The following GRIA4 variants were observed in gnomAD, a reference collection of about 807,000 sequenced individuals.
GRIA4 encodes the protein glutamate receptor 4.
Under a neutral mutation model 104.0 loss-of-function variants are expected in GRIA4, and 34 were observed. The ratio of observed to expected loss-of-function variants is 0.33; its 90% CI spans 0.25 to 0.44. The LOEUF is 0.44. Ranked by LOEUF, GRIA4 falls within the 20% of genes least tolerant of loss-of-function variation. The probability of loss-of-function intolerance (pLI) is 1.00; values close to 1 mark genes in which losing one functional copy is unlikely to be tolerated. For missense variants in GRIA4, 750 were observed against 1,096.5 expected, an observed-to-expected ratio of 0.68 and a Z score of 4.46; for synonymous variants, 386 against 381.9, an observed-to-expected ratio of 1.01 and a Z score of -0.13.
chr11:105,850,214 A>G (rs494287), intron 4 of GRIA4, among the ~76,000 whole-genome samples: 4,460 of 152,316 alleles, frequency 0.029, 224 homozygotes, highest in African/African-American at 0.1. Flanking sequence ...ACTTGGTTCC[A>G]ATTTGTTACA....
intron 3 of GRIA4, among the ~76,000 whole-genome samples, chr11:105,645,990 T>C (rs1398547748): frequency 6.6e-6 from 1 of 152,152 alleles, no homozygotes; most frequent in Non-Finnish European, 1.5e-5. Context: ...GGAGATTACC[T>C]ACAAGGCAAA....
chr11:105,718,829 T>C (rs1954194291), intron 3 of GRIA4, among the ~76,000 whole-genome samples: 1 of 152,130 alleles, frequency 6.6e-6, no homozygotes, highest in African/African-American at 2.4e-5. Context: ...TACCAGAGTA[T>C]TGAAATGGAA....
At chr11:105,944,123 A>G (rs1399255218) in intron 14 of GRIA4, among the ~76,000 whole-genome samples, 1 of 152,194 alleles carries the variant, frequency 6.6e-6, no homozygotes, top group Non-Finnish European at 1.5e-5. Context: ...ATAGTAGTAG[A>G]TGGAGACAAG....
chr11:105,912,093 A>T, intron 10 of GRIA4: 1 of 1,112,964 alleles, frequency 9.0e-7, no homozygotes, highest in Middle Eastern at 2.5e-4. Context: ...ACAAAAGAAG[A>T]ATTAATCTTC....
chr11:105,724,924 T>TCG (rs1938100273), intron 3 of GRIA4, among the ~76,000 whole-genome samples: 1 of 152,150 alleles, frequency 6.6e-6, no homozygotes, highest in African/African-American at 2.4e-5. Context: ...ACCAAAATAA[T>TCG]GAAGAGGTTG....
intron 3 of GRIA4, among the ~76,000 whole-genome samples, chr11:105,653,483 A>C (rs992388900): frequency 1.3e-5 from 2 of 152,186 alleles, no homozygotes; most frequent in African/African-American, 4.8e-5. Context: ...TGAGCAGGAG[A>C]GTGCAAGACT....
At chr11:105,747,314 A>G (rs1284659448) in intron 3 of GRIA4, among the ~76,000 whole-genome samples, 3 of 152,220 alleles carry the variant, frequency 2.0e-5, no homozygotes, top group Non-Finnish European at 4.4e-5. Flanking sequence ...AAAATTACAA[A>G]ACAAATATGT....
intron 4 of GRIA4, among the ~76,000 whole-genome samples, chr11:105,793,193 T>C (rs1189873231): frequency 6.6e-6 from 1 of 152,112 alleles, no homozygotes; most frequent in African/African-American, 2.4e-5. Context: ...TACCACTCTC[T>C]GGGGGCCCTA....
intron 14 of GRIA4, among the ~76,000 whole-genome samples, chr11:105,941,478 T>C (rs1045327620): frequency 9.9e-5 from 15 of 152,260 alleles, no homozygotes; most frequent in African/African-American, 3.6e-4. Context: ...TAGAGAAAAC[T>C]ATCATTTTAA....
intron 3 of GRIA4, among the ~76,000 whole-genome samples, chr11:105,616,557 TA>T (rs1415213922): frequency 2.0e-4 from 31 of 151,820 alleles, no homozygotes; most frequent in Admixed American, 2.6e-4. Flanking sequence ...AATAATATAA[TA>T]TTTTTTTGTT....
chr11:105,852,581 T>G (rs185185389), intron 4 of GRIA4, among the ~76,000 whole-genome samples: 1 of 152,264 alleles, frequency 6.6e-6, no homozygotes, highest in Non-Finnish European at 1.5e-5. Context: ...GTTCAATAAA[T>G]CACTCTGTAT....
At chr11:105,913,260 G>C in intron 10 of GRIA4, 2 of 428,496 alleles carry the variant, frequency 4.7e-6, no homozygotes, top group Non-Finnish European at 6.2e-6. Context: ...AATTATATTA[G>C]CTATCTTTAT....
intron 3 of GRIA4, among the ~76,000 whole-genome samples, chr11:105,669,047 AG>A (rs2135431942): frequency 6.6e-6 from 1 of 152,086 alleles, no homozygotes; most frequent in Non-Finnish European, 1.5e-5. Context: ...ACCTTTCAGC[AG>A]TGTGTGCAGA....
intron 4 of GRIA4, among the ~76,000 whole-genome samples, chr11:105,836,770 C>T (rs1292960663): frequency 2.0e-5 from 3 of 152,120 alleles, no homozygotes; most frequent in Non-Finnish European, 2.9e-5. Context: ...AAAAGCCACA[C>T]TTTGAGAAAT....
chr11:105,899,644 A>C (rs1391526259), intron 7 of GRIA4, among the ~76,000 whole-genome samples: 2 of 152,242 alleles, frequency 1.3e-5, no homozygotes, highest in Admixed American at 6.5e-5. Flanking sequence ...GTCTCTTTAA[A>C]TACTGAATAA....
chr11:105,962,585 C>A lies in GRIA4; in HGVS notation c.2295-9329C>A, dbSNP rs148787895. Reference sequence around the variant, plus strand: ...AGTTGATCAAGTGAGCATTTTCATTCTAGGCCCGAATCAAATTCCCTGTCA... The same window carrying A: ...AGTTGATCAAGTGAGCATTTTCATTATAGGCCCGAATCAAATTCCCTGTCA... On this transcript the variant is annotated intron_variant, in intron 14 of 16. Transcript: ENST00000282499. Among the ~76,000 whole-genome samples the A allele has an allele frequency of 1.3e-3, 193 of 152,246 alleles. No homozygotes were observed. The Middle Eastern group carries it at 0.027, about 21-fold the overall frequency.
At chr11:105,967,236 C>T (rs915667494) in intron 14 of GRIA4, among the ~76,000 whole-genome samples, 1 of 151,808 alleles carries the variant, frequency 6.6e-6, no homozygotes, top group Non-Finnish European at 1.5e-5. Flanking sequence ...TAAAATTTTC[C>T]ACAAATATAA....
At chr11:105,906,786 T>G (rs1407094859) in intron 9 of GRIA4, among the ~76,000 whole-genome samples, 2 of 152,082 alleles carry the variant, frequency 1.3e-5, no homozygotes, top group Admixed American at 1.3e-4. Context: ...GAAGGAGATG[T>G]TAAGAACAGC....
chr11:105,897,596 T>C (rs1352574546), intron 6 of GRIA4, among the ~76,000 whole-genome samples: 1 of 152,174 alleles, frequency 6.6e-6, no homozygotes, highest in Non-Finnish European at 1.5e-5. Flanking sequence ...ATGCCTAGTT[T>C]GTTGAGGATT....
Sources: gnomAD v4.1 joint callset for allele counts (sites outside exome capture counted in the v4.1 genomes callset) on GRCh38, gnomAD v4.1.1 for gene constraint, MANE v1.5 for transcripts, NCBI Gene and HGNC (gene_info 2026-07-23, HGNC 2026-07-21) for gene names.